The following NTN1 variants were observed in gnomAD, a reference collection of about 807,000 sequenced individuals.
NTN1 encodes the protein netrin 1.
Under a neutral mutation model 54.2 loss-of-function variants are expected in NTN1, and 11 were observed. That is an observed-to-expected ratio of 0.20 (90% CI 0.13 to 0.34). NTN1 has a LOEUF of 0.34. NTN1 is among the 10% of genes least tolerant of loss of function. The pLI, the probability that NTN1 is intolerant of heterozygous loss-of-function variation, is 1.00. For missense variants in NTN1, 740 were observed against 893.1 expected, an observed-to-expected ratio of 0.83 and a Z score of 2.18; for synonymous variants, 371 against 382.0, an observed-to-expected ratio of 0.97 and a Z score of 0.33.
intron 2 of NTN1, among the ~76,000 whole-genome samples, chr17:9,154,225 G>A (rs1357768989): frequency 6.6e-6 from 1 of 152,176 alleles, no homozygotes; most frequent in African/African-American, 2.4e-5. Flanking sequence ...AGCATGCCCA[G>A]GTATTTCCAC....
the NTN1 span, among the ~76,000 whole-genome samples, chr17:9,004,228 C>A: frequency 1.3e-5 from 2 of 152,370 alleles, no homozygotes; most frequent in Non-Finnish European, 1.5e-5. Context: ...CCCTCCGGAG[C>A]GTGCCCGAGG....
At chr17:9,207,248 G>A (rs979984578) in intron 5 of NTN1, among the ~76,000 whole-genome samples, 5 of 152,268 alleles carry the variant, frequency 3.3e-5, no homozygotes, top group East Asian at 1.9e-4. Context: ...AACCACATCC[G>A]CTACAGATGG....
the NTN1 span, among the ~76,000 whole-genome samples, chr17:9,014,517 C>G: frequency 4.2e-3 from 639 of 152,292 alleles, 2 homozygotes; most frequent in Non-Finnish European, 7.4e-3. Flanking sequence ...AAAATGGATG[C>G]TCAGATGGGC....
chr17:9,184,348 G>A (rs763950719), intron 5 of NTN1, among the ~76,000 whole-genome samples: 1 of 152,244 alleles, frequency 6.6e-6, no homozygotes, highest in Non-Finnish European at 1.5e-5. Context: ...GAAGGAAGCA[G>A]CATGACAGGG....
chr17:9,181,368 A>G (rs1025281252), intron 4 of NTN1, among the ~76,000 whole-genome samples: 5 of 152,118 alleles, frequency 3.3e-5, no homozygotes, highest in Non-Finnish European at 7.4e-5. Context: ...GACCTCAGGC[A>G]CTGAGGTTGG....
intron 3 of NTN1, among the ~76,000 whole-genome samples, chr17:9,166,383 C>T (rs1177304869): frequency 1.5e-5 from 2 of 129,084 alleles, no homozygotes; most frequent in African/African-American, 5.9e-5. Flanking sequence ...ACTCTGTTGT[C>T]CAGGCTGGAG....
intron 2 of NTN1, among the ~76,000 whole-genome samples, chr17:9,106,761 C>T (rs529983696): frequency 7.2e-5 from 11 of 152,076 alleles, no homozygotes; most frequent in Non-Finnish European, 1.5e-4. Context: ...GTGATCCACC[C>T]GCCTTGGCCT....
rs188144707 is a variant in NTN1 at position 9,062,761 on chromosome 17, G to A, written c.1018+39370G>A. On this transcript the variant is annotated intron_variant, in intron 2 of 6. Coordinates refer to ENST00000173229, the MANE Select transcript of NTN1 (RefSeq NM_004822.3). ...AAAAATAGCACATAAAATTATGTTC[G>A]GGGATTACACTTCATGTATCGTGTG... 2.8e-3 allele frequency among the ~76,000 whole-genome samples: 426 copies of A among 152,184 alleles called. 4 individuals carry two copies. Among genetic ancestry groups the A allele is most frequent in the Non-Finnish European group, 4.8e-3 (328 of 68,006 alleles).
the NTN1 span, among the ~76,000 whole-genome samples, chr17:9,015,903 T>C: frequency 1.3e-5 from 2 of 151,860 alleles, no homozygotes; most frequent in African/African-American, 4.8e-5. Context: ...AAACCCTGTC[T>C]CTACTAAAAA....
rs1905289316 is a variant in NTN1 at position 9,219,730 on chromosome 17, C to T, written c.1412-1438C>T. Among the ~76,000 whole-genome samples, 1 of 152,172 alleles carries T rather than the reference C, an allele frequency of 6.6e-6. No individual in the cohort carries two copies. The highest frequency in any genetic ancestry group is 6.5e-5 in the Admixed American group (1 of 15,282). On this transcript the variant is annotated intron_variant, in intron 5 of 6. Coordinates refer to ENST00000173229, the MANE Select transcript of NTN1 (RefSeq NM_004822.3). This position sits in a 1 kb window ranked among gnomAD's most constrained non-coding sequence, Gnocchi z 4.5. ...CCTCTGCTTTCCTGCTTCGGCTTCC[C>T]CTTGTGCTCCCACACAAATCACTCC...
intron 5 of NTN1, among the ~76,000 whole-genome samples, chr17:9,205,170 C>T (rs142240959): frequency 6.6e-6 from 1 of 152,286 alleles, no homozygotes; most frequent in East Asian, 1.9e-4. Context: ...AGGCTGTGAA[C>T]ACCACTTTAT....
At chr17:9,150,752 A>G (rs778311103) in intron 2 of NTN1, among the ~76,000 whole-genome samples, 143 of 152,170 alleles carry the variant, frequency 9.4e-4, no homozygotes, top group Non-Finnish European at 1.9e-3. Context: ...CAGCCAAAAA[A>G]GGGCAGGGAA....
the NTN1 span, among the ~76,000 whole-genome samples, chr17:9,007,396 TTCTC>T: frequency 7.4e-3 from 1,118 of 150,966 alleles, 7 homozygotes; most frequent in South Asian, 0.023. Flanking sequence ...CTTTCTCTCT[TTCTC>T]TCTTCTTTTC....
At chr17:9,105,281 A>G (rs550724981) in intron 2 of NTN1, among the ~76,000 whole-genome samples, 26 of 152,174 alleles carry the variant, frequency 1.7e-4, no homozygotes, top group Non-Finnish European at 3.4e-4. Flanking sequence ...TAGGAAATCC[A>G]GCTTTTCTTC....
At chr17:9,124,002 GCTGTCTT>G (rs1446848446) in intron 2 of NTN1, among the ~76,000 whole-genome samples, 1 of 152,130 alleles carries the variant, frequency 6.6e-6, no homozygotes, top group African/African-American at 2.4e-5. Context: ...CTGAAGTGAT[GCTGTCTT>G]CTGAACCAGC....
At chr17:9,113,332 A>AT (rs1168080076) in intron 2 of NTN1, among the ~76,000 whole-genome samples, 2 of 152,056 alleles carry the variant, frequency 1.3e-5, no homozygotes, top group Non-Finnish European at 2.9e-5. Context: ...TGTATACGGT[A>AT]TTTTTAAAGC....
intron 2 of NTN1, among the ~76,000 whole-genome samples, chr17:9,159,202 A>C (rs144898416): frequency 1.1e-3 from 174 of 152,362 alleles, no homozygotes; most frequent in African/African-American, 4.0e-3. Context: ...AGTCCACCTT[A>C]TTTGAAAACT....
Position 9,236,124 on chromosome 17 carries a change from T to TGGG in NTN1, c.1487-3507_1487-3505dup, listed in dbSNP as rs61364982. Among the ~76,000 whole-genome samples the TGGG allele has an allele frequency of 3.7e-3, 336 of 90,716 alleles. 6 individuals are homozygous for TGGG. Among genetic ancestry groups the TGGG allele is most frequent in the African/African-American group, 0.011 (326 of 29,266 alleles). 59.5% of individuals were successfully genotyped at this position (90,716 alleles called of 152,430 possible). A position where few individuals can be genotyped will look rare whatever the true frequency, so the allele number is the denominator to read the frequency against. ...GATATCAAGTTCCAACATAAGAATT[T>TGGG]GGGGGGGGGGGTACTAACATTAAAA... On this transcript the variant is annotated intron_variant, in intron 6 of 6. Coordinates refer to ENST00000173229, the MANE Select transcript of NTN1 (RefSeq NM_004822.3).
rs2092033129 is a variant in NTN1, at chr17:9,071,891, C to G, written c.1018+48500C>G. ...GTATGAATGGAGGCTGGGGTCTGAC[C>G]AGGTGATGGGGGTGTGAGAAGTTGC... On this transcript the variant is annotated intron_variant, in intron 2 of 6. Transcript: ENST00000173229. Among the ~76,000 whole-genome samples the G allele has an allele frequency of 2.6e-5, 4 of 152,304 alleles. No individual in the cohort carries two copies. In the South Asian group the frequency reaches 8.3e-4, roughly 32 times the overall value.
Sources: gnomAD v4.1 joint callset for allele counts (sites outside exome capture counted in the v4.1 genomes callset) on GRCh38, gnomAD v4.1.1 for gene constraint, Gnocchi (gnomAD v3.1) non-coding constraint, MANE v1.5 for transcripts, NCBI Gene and HGNC (gene_info 2026-07-23, HGNC 2026-07-21) for gene names.